The following TARS3 variants were observed in gnomAD, a reference collection of about 807,000 sequenced individuals.
TARS3 encodes threonine--tRNA ligase 2, cytoplasmic.
In TARS3, 94 loss-of-function variants were observed where a neutral mutation model predicts 103.5. The ratio of observed to expected loss-of-function variants is 0.91; its 90% confidence interval spans 0.77 to 1.08. TARS3 has a LOEUF of 1.08. Ranked by LOEUF, TARS3 falls within the 50% of genes least tolerant of loss-of-function variation. The probability of loss-of-function intolerance (pLI) is 0.00; values close to 1 mark genes in which losing one functional copy is unlikely to be tolerated. For synonymous variants in TARS3, 416 were observed against 355.4 expected (o/e 1.17, Z -1.92); for missense variants, 952 against 995.2 (o/e 0.96, Z 0.58).
At chr15:101,694,154 G>A (rs1253582707) in intron 10 of TARS3, among the ~76,000 whole-genome samples, 3 of 152,192 alleles carry the variant, frequency 2.0e-5, no homozygotes, top group Non-Finnish European at 4.4e-5. Flanking sequence ...CACACAGTCA[G>A]TAACTAATAT....
chr15:101,675,818 C>A, intron 12 of TARS3, 81 bp from the exon 13 acceptor site: 1 of 1,445,624 alleles, frequency 6.9e-7, no homozygotes, highest in South Asian at 1.3e-5. Flanking sequence ...TCATGTCAGA[C>A]AGAAATAAAG....
intron 9 of TARS3, 72 bp from the exon 10 acceptor site, chr15:101,701,256 TACTC>T (rs1464320746): frequency 3.4e-6 from 3 of 869,688 alleles, no homozygotes; most frequent in Non-Finnish European, 5.3e-6. Context: ...ACACATATAA[TACTC>T]AGTTATTTCC....
Position 101,724,469 on chromosome 15 carries a change from A to C in TARS3, c.-82T>G. The C allele has an allele frequency of 1.5e-6, 2 of 1,334,934 alleles. No homozygotes were observed. Among genetic ancestry groups the C allele is most frequent in the Non-Finnish European group, 1.9e-6 (2 of 1,048,608 alleles). 82.7% of individuals were successfully genotyped at this position (1,334,934 alleles called of 1,614,324 possible). ...GACGCGGACACTCAGCGCACGGCAG[A>C]AGACAGGGCTCCCGGGAGGGGCGGG... On this transcript the variant is annotated 5_prime_UTR_variant, in exon 1 of 19. Transcript: ENST00000335968.
chr15:101,675,517 T>G (rs1286706945), intron 13 of TARS3, 83 bp downstream of exon 13: 1 of 1,345,852 alleles, frequency 7.4e-7, no homozygotes. Flanking sequence ...TACAAATTAT[T>G]GCATCCTCCT....
intron 15 of TARS3, among the ~76,000 whole-genome samples, chr15:101,665,065 A>G (rs1897528900): frequency 6.6e-6 from 1 of 152,268 alleles, no homozygotes; most frequent in Non-Finnish European, 1.5e-5. Flanking sequence ...AGAGATATAC[A>G]AAGAAAGACT....
At chr15:101,665,017 T>C (rs947368055) in intron 15 of TARS3, among the ~76,000 whole-genome samples, 4 of 152,212 alleles carry the variant, frequency 2.6e-5, no homozygotes, top group Non-Finnish European at 5.9e-5. Flanking sequence ...AAAGAGTTGG[T>C]GAATTTGAAG....
chr15:101,658,322 A>AG, intron 16 of TARS3, among the ~76,000 whole-genome samples: 1 of 151,828 alleles, frequency 6.6e-6, no homozygotes, highest in East Asian at 1.9e-4. Flanking sequence ...AAAAAAAAAA[A>AG]AAAAAAAAAG....
rs578894 is a variant in TARS3, at chr15:101,655,312, G to A, written c.2261-582C>T. Among the ~76,000 whole-genome samples, 9 of 78,774 alleles carry A rather than the reference G, an allele frequency of 1.1e-4. No individual in the cohort carries two copies. In the South Asian group the frequency reaches 1.5e-3, roughly 14 times the overall value. 51.7% of individuals were successfully genotyped at this position (78,774 alleles called of 152,430 possible). A position where few individuals can be genotyped will look rare whatever the true frequency, so the allele number is the denominator to read the frequency against. On this transcript the variant is annotated intron_variant, in intron 18 of 18. Coordinates refer to ENST00000335968, the MANE Select transcript of TARS3 (RefSeq NM_152334.3). ...CCTGGCACTAGGGCGCAGATGAGAGGGGGGAGCTCTTACAGGCTCACACTG... is the reference window on the plus strand; with the variant it reads ...CCTGGCACTAGGGCGCAGATGAGAGAGGGGAGCTCTTACAGGCTCACACTG...
At chr15:101,661,954 CTTG>C in intron 15 of TARS3, 138 bp from the exon 16 acceptor site, 1 of 492,166 alleles carries the variant, frequency 2.0e-6, no homozygotes, top group East Asian at 3.5e-5. Flanking sequence ...CTGTGACTGT[CTTG>C]TTTTCTCATT....
At chr15:101,721,005 A>C in intron 3 of TARS3, 121 bp downstream of exon 3, 1 of 827,450 alleles carries the variant, frequency 1.2e-6, no homozygotes, top group Non-Finnish European at 1.9e-6. Flanking sequence ...ACCCAGTCTC[A>C]GACATGTCCT....
intron 2 of TARS3, among the ~76,000 whole-genome samples, chr15:101,722,252 G>A (rs1277898533): frequency 4.4e-5 from 5 of 113,664 alleles, no homozygotes; most frequent in Admixed American, 9.5e-5. Context: ...ACAGCCCCAC[G>A]CCCAGCCCCC....
intron 3 of TARS3, among the ~76,000 whole-genome samples, chr15:101,716,871 T>TC (rs1332642759): frequency 6.6e-6 from 1 of 151,298 alleles, no homozygotes. Flanking sequence ...TTTTTTTTTT[T>TC]TTTGAGACAG....
At chr15:101,665,033 T>C (rs1273517298) in intron 15 of TARS3, among the ~76,000 whole-genome samples, 2 of 152,156 alleles carry the variant, frequency 1.3e-5, no homozygotes, top group African/African-American at 2.4e-5. Context: ...TGAAGATAAG[T>C]AAATAGAATG....
chr15:101,675,850 T>C (rs1216683712), intron 12 of TARS3, 113 bp from the exon 13 acceptor site: 15 of 1,191,790 alleles, frequency 1.3e-5, no homozygotes, highest in East Asian at 2.6e-5. Flanking sequence ...TGGAGTACAG[T>C]TGATGATCCT....
chr15:101,674,254 A>G (rs937937229), intron 13 of TARS3, among the ~76,000 whole-genome samples: 4 of 152,216 alleles, frequency 2.6e-5, no homozygotes, highest in African/African-American at 7.2e-5. Flanking sequence ...TTCCTGAACC[A>G]TGGCCTCAAA....
At chr15:101,714,737 C>A in intron 4 of TARS3, 103 bp downstream of exon 4, 3 of 1,074,964 alleles carry the variant, frequency 2.8e-6, no homozygotes, top group South Asian at 2.9e-5. Context: ...CTTAGAAACC[C>A]CCAAAAAACT....
At chr15:101,688,099 A>G (rs1567338059) in intron 10 of TARS3, among the ~76,000 whole-genome samples, 1 of 152,174 alleles carries the variant, frequency 6.6e-6, no homozygotes, top group Non-Finnish European at 1.5e-5. Context: ...ATAAATATAT[A>G]GGAGATATCT....
rs1898849496 is a variant in TARS3, at chr15:101,693,927, G to A, written c.1320+7159C>T. ...AAGGGTAGCATGAGGGAGTTTTGAG[G>A]GGTGACGGAACTGTTCTGTATCTTG... On this transcript the variant is annotated intron_variant, in intron 10 of 18. Transcript: ENST00000335968. Among the ~76,000 whole-genome samples, 3 of 152,226 alleles carry A rather than the reference G, an allele frequency of 2.0e-5. 1 individual carries two copies. Among genetic ancestry groups the A allele is most frequent in the Admixed American group, 2.0e-4 (3 of 15,284 alleles).
intron 10 of TARS3, among the ~76,000 whole-genome samples, chr15:101,696,456 G>A (rs901181489): frequency 4.6e-5 from 7 of 152,026 alleles, no homozygotes; most frequent in Admixed American, 6.6e-5. Context: ...GACCCAATGC[G>A]AGAACCACCC....
Sources: gnomAD v4.1 joint callset for allele counts (sites outside exome capture counted in the v4.1 genomes callset) on GRCh38, gnomAD v4.1.1 for gene constraint, MANE v1.5 for transcripts, NCBI Gene and HGNC (gene_info 2026-07-23, HGNC 2026-07-21) for gene names.